Variants in CSN1S1 observed in about 807,000 individuals in gnomAD.
CSN1S1 encodes the protein alpha-S1-casein.
In CSN1S1, 63 loss-of-function variants were observed where a neutral mutation model predicts 49.1. That is an observed-to-expected ratio of 1.28 (90% CI 1.05 to 1.58). The LOEUF is 1.58. Ranked by LOEUF, CSN1S1 falls within the 40% of genes most tolerant of loss-of-function variation. CSN1S1 has a pLI of 0.00. For missense variants in CSN1S1, 260 were observed against 224.7 expected, an observed-to-expected ratio of 1.16 and a Z score of -1.01; for synonymous variants, 78 against 67.1, an observed-to-expected ratio of 1.16 and a Z score of -0.79.
intron 15 of CSN1S1, 151 bp from the exon 16 acceptor site, chr4:69,946,045 A>G (rs1453571271): frequency 2.8e-5 from 9 of 320,170 alleles, no homozygotes; most frequent in African/African-American, 1.9e-4. Flanking sequence ...AGAGCAATGG[A>G]TAGGTATGTC....
rs1722897802 is a variant in CSN1S1, at chr4:69,939,185, T to A, written c.253T>A (p.Ser85Thr). 2 of 1,600,848 alleles carry A rather than the reference T, an allele frequency of 1.2e-6. No homozygotes were observed. Among genetic ancestry groups the A allele is most frequent in the Admixed American group, 1.7e-5 (1 of 59,140 alleles). ...CVVAEPEKME[S>T]SISSSSEEMS... is the part of the protein sequence containing the mutation. ...GATTTCTTTCTTTTAGAAGATGGAA[T>A]CCAGCATCAGTTCATCGAGTGAGGT... Residue 85 changes from serine (S) to threonine (T), a missense_variant, in exon 10 of 16, where the codon TCC becomes ACC. By Grantham distance (58) the Ser-to-Thr change is moderately conservative. Coordinates refer to ENST00000246891, the MANE Select transcript of CSN1S1 (RefSeq NM_001890.2).
intron 12 of CSN1S1, among the ~76,000 whole-genome samples, chr4:69,941,576 A>G (rs1722968458): frequency 6.6e-6 from 1 of 151,936 alleles, no homozygotes; most frequent in African/African-American, 2.4e-5. Context: ...AAAACCTTTC[A>G]GTAACTACAA....
chr4:69,945,074 T>A, intron 15 of CSN1S1, 70 bp downstream of exon 15: 8 of 1,517,086 alleles, frequency 5.3e-6, no homozygotes, highest in Non-Finnish European at 7.3e-6. Context: ...TTGGAGAGGA[T>A]ACCATAAGAA....
intron 14 of CSN1S1, among the ~76,000 whole-genome samples, chr4:69,944,376 G>T (rs1578138413): frequency 6.6e-6 from 1 of 151,962 alleles, no homozygotes; most frequent in Non-Finnish European, 1.5e-5. Flanking sequence ...AGGAATTAAA[G>T]AATTATTATT....
intron 14 of CSN1S1, among the ~76,000 whole-genome samples, chr4:69,943,361 T>A (rs76302648): frequency 6.6e-6 from 1 of 151,826 alleles, no homozygotes; most frequent in Non-Finnish European, 1.5e-5. Flanking sequence ...ATTTTTGTAT[T>A]TTTAGTAGAG....
chr4:69,944,568 C>T (rs907882531), intron 14 of CSN1S1, among the ~76,000 whole-genome samples: 4 of 151,702 alleles, frequency 2.6e-5, no homozygotes, highest in African/African-American at 9.7e-5. Context: ...GATAAGTGGA[C>T]CTGTGAGTAA....
chr4:69,932,476 G>T, intron 1 of CSN1S1, 68 bp from the exon 2 acceptor site: 1 of 1,398,938 alleles, frequency 7.1e-7, no homozygotes, highest in Non-Finnish European at 9.9e-7. Flanking sequence ...GAAAAATCAA[G>T]AATTTTTTTC....
chr4:69,932,492 A>G, intron 1 of CSN1S1, 52 bp from the exon 2 acceptor site: 1 of 1,487,034 alleles, frequency 6.7e-7, no homozygotes, highest in Non-Finnish European at 9.1e-7. Flanking sequence ...TTTTCAGGAA[A>G]CAAATTTAAC....
At chr4:69,944,027 G>A (rs924776339) in intron 14 of CSN1S1, among the ~76,000 whole-genome samples, 3 of 151,226 alleles carry the variant, frequency 2.0e-5, no homozygotes, top group African/African-American at 7.3e-5. Context: ...CTCTCTCTCG[G>A]TCTCTCTATT....
chr4:69,942,624 C>T, intron 14 of CSN1S1, 47 bp downstream of exon 14: 1 of 1,448,526 alleles, frequency 6.9e-7, no homozygotes, highest in Non-Finnish European at 9.5e-7. Context: ...TTTTGTTAAG[C>T]TTAAATATGT....
chr4:69,946,411 C>T lies in CSN1S1; in HGVS notation c.*215C>T, dbSNP rs1289234964. ...CAGTTGTGTCTTGCCATATGGAGGG[C>T]ACCTAATCAGAGGGTATTAAAGTGT... On this transcript the variant is annotated 3_prime_UTR_variant, in exon 16 of 16. Transcript: ENST00000246891. 18 of 267,168 alleles carry T rather than the reference C, an allele frequency of 6.7e-5. No homozygotes were observed. 16.5% of individuals were successfully genotyped at this position (267,168 alleles called of 1,614,324 possible). A position where few individuals can be genotyped will look rare whatever the true frequency, so the allele number is the denominator to read the frequency against.
Position 69,942,592 on chromosome 4 carries a change from A to T in CSN1S1, c.402+15A>T, listed in dbSNP as rs1277950802. 2 of 1,563,868 alleles carry T rather than the reference A, an allele frequency of 1.3e-6. No homozygotes were observed. Among genetic ancestry groups the T allele is most frequent in the Non-Finnish European group, 1.7e-6 (2 of 1,149,922 alleles). On this transcript the variant is annotated intron_variant, in intron 14 of 15. Coordinates refer to ENST00000246891, the MANE Select transcript of CSN1S1 (RefSeq NM_001890.2). ...ATGTCCAAGTGGTAATATTTTGCTT[A>T]ATATATTACAAAACGATAATATTTT...
Position 69,931,464 on chromosome 4 carries a change from T to G in CSN1S1, c.-13+347T>G, listed in dbSNP as rs72648502. Among the ~76,000 whole-genome samples, 225 of 152,078 alleles carry G rather than the reference T, an allele frequency of 1.5e-3. 1 individual carries two copies. The highest frequency in any genetic ancestry group is 2.3e-3 in the Non-Finnish European group (156 of 67,862). On this transcript the variant is annotated intron_variant, in intron 1 of 15. Coordinates refer to ENST00000246891, the MANE Select transcript of CSN1S1 (RefSeq NM_001890.2). ...AAGTTGTTATGCAAATAATTTCTTA[T>G]TTTTGTAATTACCATAGCAAAAACC...
Position 69,939,718 on chromosome 4 carries a change from C to G in CSN1S1, c.277-303C>G, listed in dbSNP as rs921801089. Among the ~76,000 whole-genome samples, 3 of 151,720 alleles carry G rather than the reference C, an allele frequency of 2.0e-5. No homozygotes were observed. The Admixed American group carries it at 2.0e-4, about 10-fold the overall frequency. Reference sequence around the variant, plus strand: ...TTGACTTTGGAAGAAGACCTTCATGCAAGTTACCAAAATAAAACCAACTCA... The same window carrying G: ...TTGACTTTGGAAGAAGACCTTCATGGAAGTTACCAAAATAAAACCAACTCA... On this transcript the variant is annotated intron_variant, in intron 10 of 15. Coordinates refer to ENST00000246891, the MANE Select transcript of CSN1S1 (RefSeq NM_001890.2).
chr4:69,934,117 A>C, intron 2 of CSN1S1, 95 bp from the exon 3 acceptor site: 4 of 848,466 alleles, frequency 4.7e-6, no homozygotes, highest in Non-Finnish European at 5.5e-6. Context: ...TGAAAATGGC[A>C]GTGTCAAAAA....
chr4:69,937,241 C>T, intron 8 of CSN1S1, 97 bp downstream of exon 8: 1 of 879,268 alleles, frequency 1.1e-6, no homozygotes, highest in Non-Finnish European at 1.7e-6. Flanking sequence ...AAAACTATGG[C>T]AGATAACTCT....
chr4:69,937,854 A>G, intron 9 of CSN1S1, 31 bp downstream of exon 9: 4 of 1,535,100 alleles, frequency 2.6e-6, no homozygotes, highest in Non-Finnish European at 2.6e-6. Context: ...TGAACTCTAC[A>G]CTTACGTATC....
intron 9 of CSN1S1, among the ~76,000 whole-genome samples, chr4:69,938,426 A>G (rs1350547871): frequency 6.8e-6 from 1 of 146,762 alleles, no homozygotes; most frequent in African/African-American, 2.5e-5. Flanking sequence ...CCAACTTAAT[A>G]GTTTGTCAAC....
At chr4:69,939,506 A>T (rs574566849) in intron 10 of CSN1S1, among the ~76,000 whole-genome samples, 14 of 151,892 alleles carry the variant, frequency 9.2e-5, no homozygotes, top group African/African-American at 3.4e-4. Context: ...ACTCAATCTT[A>T]TCATTAAAAA....
Sources: gnomAD v4.1 joint callset for allele counts (sites outside exome capture counted in the v4.1 genomes callset) on GRCh38, gnomAD v4.1.1 for gene constraint, MANE v1.5 for transcripts, NCBI Gene and HGNC (gene_info 2026-07-23, HGNC 2026-07-21) for gene names.